PKD1L3: variants seen among roughly 807,000 people sequenced by gnomAD.
PKD1L3 encodes the protein polycystin-1-like protein 3.
Under a neutral mutation model 184.1 loss-of-function variants are expected in PKD1L3, and 239 were observed. The ratio of observed to expected loss-of-function variants is 1.30; its 90% confidence interval spans 1.17 to 1.45. The LOEUF (loss-of-function observed/expected upper bound fraction) is 1.45, where lower values mean the gene tolerates loss of function less well. Ranked by LOEUF, PKD1L3 falls within the 40% of genes most tolerant of loss-of-function variation. The probability of loss-of-function intolerance (pLI) is 0.00; values close to 1 mark genes in which losing one functional copy is unlikely to be tolerated. For synonymous variants in PKD1L3, 996 were observed against 778.8 expected (o/e 1.28, Z -4.64); for missense variants, 2,660 against 2,067.2 (o/e 1.29, Z -5.56).
intron 22 of PKD1L3, among the ~76,000 whole-genome samples, chr16:71,944,694 G>GTTTTTTTTTTTT (rs1274386722): frequency 1.3e-5 from 1 of 76,082 alleles, no homozygotes; most frequent in Non-Finnish European, 2.8e-5. Flanking sequence ...GACCATATCT[G>GTTTTTTTTTTTT]TTTTTTGTTT....
intron 15 of PKD1L3, among the ~76,000 whole-genome samples, chr16:71,964,883 G>A (rs1403096457): frequency 7.6e-6 from 1 of 132,244 alleles, no homozygotes; most frequent in Non-Finnish European, 1.6e-5. Context: ...ATCTTGCTCT[G>A]TTGCCCAGGC....
chr16:71,958,329 G>A (rs1467107139), intron 16 of PKD1L3, among the ~76,000 whole-genome samples: 5 of 147,340 alleles, frequency 3.4e-5, no homozygotes, highest in Non-Finnish European at 1.5e-5. Flanking sequence ...GGAGCTTGCA[G>A]TGAGCCGAGA....
At position 71,979,920 on chromosome 16, in the gene PKD1L3, G is replaced by GA; in HGVS notation, c.1272-9dup. 1 of 1,550,872 alleles carries GA rather than the reference G, an allele frequency of 6.4e-7. No individual in the cohort carries two copies. On this transcript the variant is annotated splice_polypyrimidine_tract_variant and intron_variant, in intron 8 of 29. Coordinates refer to ENST00000620267, the MANE Select transcript of PKD1L3 (RefSeq NM_181536.2). ...AAAGTTGATATGTTTTGTCTAATGAGAAAAGTTAAAATGGAAGTCAATTTT... is the reference window on the plus strand; with the variant it reads ...AAAGTTGATATGTTTTGTCTAATGAGAAAAAGTTAAAATGGAAGTCAATTTT...
intron 28 of PKD1L3, 107 bp from the exon 29 acceptor site, chr16:71,930,290 C>A: frequency 8.5e-7 from 1 of 1,178,936 alleles, no homozygotes; most frequent in Non-Finnish European, 1.1e-6. Context: ...AAAGCTTATC[C>A]GAAGGAAACT....
rs1473353019 is a variant in PKD1L3 at position 71,998,319 on chromosome 16, G to A, written c.371C>T (p.Ser124Phe). The A allele has an allele frequency of 1.9e-6, 3 of 1,552,150 alleles. No homozygotes were observed. In the East Asian group the frequency reaches 7.3e-5, roughly 38 times the overall value. The change falls in exon 2 of 30, where the codon TCC becomes TTC. Residue 124 changes from serine to phenylalanine, a missense_variant. By Grantham distance (155) the Ser-to-Phe change is radical (BLOSUM62 -2). Transcript: ENST00000620267. ...TTTCAGTAAGCACTTGTCCCCTTTG[G>A]ATGAGATCCGAATGAAGTTTCTGGA... is the stretch of plus-strand genomic sequence containing the variant. ...YLSRNFIRIS[S>F]KGDKCLLKYY...
chr16:71,958,868 C>G (rs1451494139), intron 16 of PKD1L3, among the ~76,000 whole-genome samples: 1 of 149,036 alleles, frequency 6.7e-6, no homozygotes, highest in Non-Finnish European at 1.5e-5. Context: ...AGGTGGACTG[C>G]TTGAGCGCAG....
chr16:71,963,102 C>T (rs1205744172), intron 16 of PKD1L3, 103 bp downstream of exon 16: 7 of 1,230,260 alleles, frequency 5.7e-6, no homozygotes, highest in Non-Finnish European at 7.7e-6. Context: ...TGAAATAATA[C>T]ATTAATAAAA....
chr16:71,997,852 C>T (rs2040847854), intron 2 of PKD1L3, among the ~76,000 whole-genome samples: 1 of 152,190 alleles, frequency 6.6e-6, no homozygotes, highest in Admixed American at 6.5e-5. Flanking sequence ...TGATCTACTT[C>T]TGCAGAGGCG....
chr16:71,943,004 G>A lies in PKD1L3; in HGVS notation c.3880C>T (p.Leu1294=), dbSNP rs1459336189. Reference sequence around the variant, plus strand: ...GCAGAGTAGATTGCAGTCATCAACAGGGTAAGGAAGAGGATTTGTACTTGT... The same window carrying A: ...GCAGAGTAGATTGCAGTCATCAACAAGGTAAGGAAGAGGATTTGTACTTGT... ...DILVQILFLT[L]LMTAIYSAKN... The change falls in exon 24 of 30, where the codon CTG becomes TTG. Residue 1294 remains leucine, a synonymous_variant. Coordinates refer to ENST00000620267, the MANE Select transcript of PKD1L3 (RefSeq NM_181536.2). 11 of 1,550,312 alleles carry A rather than the reference G, an allele frequency of 7.1e-6. No homozygotes were observed. The Admixed American group carries it at 2.0e-4, about 28-fold the overall frequency.
In PKD1L3 at chr16:71,950,205, C is replaced by T. The variant is rs538211680; in HGVS notation, c.3296G>A (p.Cys1099Tyr). Residue 1099 changes from cysteine to tyrosine, a missense_variant, in exon 20 of 30, where the codon TGT (cysteine) becomes TAT (tyrosine). Physicochemically the swap from Cys to Tyr is radical, Grantham distance 194. Transcript: ENST00000620267. ...TLGLTQGHQSCDFLDAASQLQ... is the reference protein window; with the variant it reads ...TLGLTQGHQSYDFLDAASQLQ... ...TTGGCTGGCTGCATCTAGGAAGTCA[C>T]AGGACTGGTGACCCTGGGTGAGACC... The T allele has an allele frequency of 3.2e-5, 50 of 1,552,258 alleles. No individual in the cohort carries two copies. Among genetic ancestry groups the T allele is most frequent in the South Asian group, 1.1e-4 (9 of 84,058 alleles).
Position 71,933,254 on chromosome 16 carries a change from A to T in PKD1L3, c.4926+166T>A, listed in dbSNP as rs547788377. ...GGTTTCTGAAAGCAACAGCCATGTA[A>T]ATGCTGTATGCATAGGCAGTACCAT... On this transcript the variant is annotated intron_variant, in intron 28 of 29. Coordinates refer to ENST00000620267, the MANE Select transcript of PKD1L3 (RefSeq NM_181536.2). 2.6e-5 allele frequency among the ~76,000 whole-genome samples: 4 copies of T among 152,286 alleles called. No homozygotes were observed. In the South Asian group the frequency reaches 8.3e-4, roughly 32 times the overall value.
intron 17 of PKD1L3, 22 bp downstream of exon 17, chr16:71,954,083 A>G (rs1389432922): frequency 1.4e-6 from 2 of 1,475,744 alleles, no homozygotes; most frequent in Non-Finnish European, 1.8e-6. Context: ...TACAAACAAC[A>G]CACATCAGGG....
chr16:71,994,265 A>T (rs1181690192), intron 2 of PKD1L3, among the ~76,000 whole-genome samples: 3 of 151,974 alleles, frequency 2.0e-5, no homozygotes, highest in African/African-American at 7.3e-5. Context: ...GGTGACTCCC[A>T]CTTCCCTCTC....
At chr16:71,951,448 A>C in intron 19 of PKD1L3, 116 bp downstream of exon 19, 8 of 1,102,608 alleles carry the variant, frequency 7.3e-6, no homozygotes, top group Middle Eastern at 6.2e-4. Flanking sequence ...AAGGAAATTA[A>C]AACAACCAGA....
At position 71,968,015 on chromosome 16, in the gene PKD1L3, A is replaced by G. The variant is rs1398371741; in HGVS notation, c.2185-8T>C. 3.2e-6 allele frequency: 5 copies of G among 1,548,810 alleles called. No homozygotes were observed. The South Asian group carries it at 4.8e-5, about 15-fold the overall frequency. On this transcript the variant is annotated splice_polypyrimidine_tract_variant and splice_region_variant and intron_variant, in intron 13 of 29. Transcript: ENST00000620267. ...CAGGACAGTGACCTTCACCTGCAAG[A>G]AAAGCAGAACCATGCAACTTACTAG...
chr16:71,987,375 C>T (rs993792666), intron 4 of PKD1L3, among the ~76,000 whole-genome samples: 2 of 151,692 alleles, frequency 1.3e-5, no homozygotes, highest in Admixed American at 6.6e-5. Flanking sequence ...CACACACCAC[C>T]ATGCCTGGCT....
intron 29 of PKD1L3, 95 bp from the exon 30 acceptor site, chr16:71,929,773 AAAT>A: frequency 4.9e-6 from 6 of 1,214,520 alleles, no homozygotes; most frequent in Non-Finnish European, 6.8e-6. Flanking sequence ...AAAAATTAGT[AAAT>A]GTAAAGATAC....
intron 3 of PKD1L3, among the ~76,000 whole-genome samples, chr16:71,992,497 T>C (rs1221339936): frequency 6.6e-6 from 1 of 152,224 alleles, no homozygotes; most frequent in Non-Finnish European, 1.5e-5. Context: ...TTGCATTAAT[T>C]ATCATCAGAA....
At chr16:71,987,715 G>A (rs1164929924) in intron 4 of PKD1L3, among the ~76,000 whole-genome samples, 1 of 152,100 alleles carries the variant, frequency 6.6e-6, no homozygotes, top group African/African-American at 2.4e-5. Flanking sequence ...ACGTTGCCCA[G>A]GCTGGTCTTG....
Sources: gnomAD v4.1 joint callset for allele counts (sites outside exome capture counted in the v4.1 genomes callset) on GRCh38, gnomAD v4.1.1 for gene constraint, MANE v1.5 for transcripts, NCBI Gene and HGNC (gene_info 2026-07-23, HGNC 2026-07-21) for gene names.